GPATCH1: variants seen among roughly 807,000 people sequenced by gnomAD.
GPATCH1 encodes the protein G-patch domain containing 1.
A neutral mutation model predicts 114.9 loss-of-function variants in GPATCH1; 73 were observed. That is an observed-to-expected ratio of 0.64 (90% CI 0.53 to 0.77). The LOEUF (loss-of-function observed/expected upper bound fraction) is 0.77, where lower values mean the gene tolerates loss of function less well. Among genes scored for constraint, GPATCH1 ranks in the 30% least tolerant of loss-of-function variants. The pLI is 0.00. For synonymous variants in GPATCH1, 391 were observed against 428.4 expected (o/e 0.91, Z 1.08); for missense variants, 1,058 against 1,144.3 (o/e 0.92, Z 1.09).
At chr19:33,120,815 C>G (rs1972975170) in intron 17 of GPATCH1, among the ~76,000 whole-genome samples, 1 of 151,592 alleles carries the variant, frequency 6.6e-6, no homozygotes, top group East Asian at 2.0e-4. Context: ...CGGTGAAACC[C>G]CATCTGTACT....
intron 19 of GPATCH1, among the ~76,000 whole-genome samples, chr19:33,127,140 GA>G (rs35246382): frequency 0.56 from 82,528 of 147,084 alleles, 26,789 homozygotes; most frequent in African/African-American, 0.89. Context: ...CTCCCTAAAA[GA>G]AAAAAAAAAA....
chr19:33,115,865 C>A (rs1433778702), intron 15 of GPATCH1, among the ~76,000 whole-genome samples: 2 of 152,144 alleles, frequency 1.3e-5, no homozygotes, highest in Admixed American at 1.3e-4. Flanking sequence ...TTATATTGGA[C>A]ATTTGCATTT....
chr19:33,090,767 C>CT lies in GPATCH1; in HGVS notation c.209-4dup, dbSNP rs375926027. The stretch of plus-strand genomic sequence containing the variant: ...CTCTAGGATTGTAAAGTTCTAAACT[C>CT]TTTTTTTTTCAGGATGGACACCCTC... On this transcript the variant is annotated splice_polypyrimidine_tract_variant and intron_variant, in intron 2 of 19. Transcript: ENST00000170564. 2.1e-3 allele frequency: 3,240 copies of CT among 1,515,592 alleles called. No homozygotes were observed. Among genetic ancestry groups the CT allele is most frequent in the Non-Finnish European group, 2.5e-3 (2,764 of 1,097,228 alleles). 93.9% of individuals were successfully genotyped at this position (1,515,592 alleles called of 1,614,324 possible). A position where few individuals can be genotyped will look rare whatever the true frequency, so the allele number is the denominator to read the frequency against.
At chr19:33,123,115 A>AATAG (rs1973004240) in intron 17 of GPATCH1, among the ~76,000 whole-genome samples, 1 of 127,800 alleles carries the variant, frequency 7.8e-6, no homozygotes, top group Admixed American at 7.7e-5. Flanking sequence ...TAAATAAATA[A>AATAG]ATAGCTGGGC....
intron 7 of GPATCH1, 69 bp downstream of exon 7, chr19:33,096,515 T>C: frequency 7.7e-7 from 1 of 1,298,154 alleles, no homozygotes; most frequent in South Asian, 1.5e-5. Flanking sequence ...TCTTTCTTCT[T>C]TTTAGAGGTT....
At chr19:33,112,169 T>C (rs1972862755) in intron 12 of GPATCH1, among the ~76,000 whole-genome samples, 1 of 152,138 alleles carries the variant, frequency 6.6e-6, no homozygotes, top group African/African-American at 2.4e-5. Flanking sequence ...TTTCACCATA[T>C]TGGCCAGGCT....
intron 9 of GPATCH1, among the ~76,000 whole-genome samples, chr19:33,104,197 G>A (rs1270004421): frequency 6.6e-6 from 1 of 151,660 alleles, no homozygotes; most frequent in Non-Finnish European, 1.5e-5. Context: ...AAAATTAGCT[G>A]GGTGTGGTGG....
intron 17 of GPATCH1, among the ~76,000 whole-genome samples, chr19:33,121,109 A>T (rs1377371357): frequency 1.3e-5 from 2 of 151,704 alleles, no homozygotes; most frequent in Non-Finnish European, 1.5e-5. Flanking sequence ...ATATATTTTT[A>T]AAATTTTATT....
At chr19:33,129,328 C>T (rs910213876) in intron 19 of GPATCH1, among the ~76,000 whole-genome samples, 25 of 150,028 alleles carry the variant, frequency 1.7e-4, no homozygotes, top group African/African-American at 5.6e-4. Flanking sequence ...ATCCCAATAC[C>T]TTGGGAGGTC....
Position 33,112,468 on chromosome 19 carries a change from A to AT in GPATCH1, c.1765-17dup. 2 of 1,613,962 alleles carry AT rather than the reference A, an allele frequency of 1.2e-6. No individual in the cohort carries two copies. Among genetic ancestry groups the AT allele is most frequent in the Non-Finnish European group, 8.5e-7 (1 of 1,179,938 alleles). Reference sequence around the variant, plus strand: ...TGGTGCGGCCACTTGATGGAACAGAATGCATGTCTTTTTCCAGAATGATGT... The same window carrying AT: ...TGGTGCGGCCACTTGATGGAACAGAATTGCATGTCTTTTTCCAGAATGATGT... On this transcript the variant is annotated splice_polypyrimidine_tract_variant and intron_variant, in intron 12 of 19. Coordinates refer to ENST00000170564, the MANE Select transcript of GPATCH1 (RefSeq NM_018025.3).
intron 9 of GPATCH1, 24 bp from the exon 10 acceptor site, chr19:33,106,671 T>C: frequency 6.3e-7 from 1 of 1,581,548 alleles, no homozygotes. Context: ...CTGTATTTTC[T>C]GGGTTTTGTC....
At chr19:33,104,374 G>C (rs1037561895) in intron 9 of GPATCH1, among the ~76,000 whole-genome samples, 14 of 143,966 alleles carry the variant, frequency 9.7e-5, no homozygotes, top group African/African-American at 3.8e-4. Context: ...TCCCATGGAG[G>C]ATATAGAGAA....
At chr19:33,085,947 A>C (rs1972530471) in intron 1 of GPATCH1, among the ~76,000 whole-genome samples, 1 of 152,196 alleles carries the variant, frequency 6.6e-6, no homozygotes, top group Non-Finnish European at 1.5e-5. Flanking sequence ...TTGAGATCAG[A>C]AGCACCAAGA....
intron 16 of GPATCH1, among the ~76,000 whole-genome samples, 192 bp downstream of exon 16, chr19:33,118,233 A>G (rs2036860388): frequency 6.9e-6 from 1 of 145,032 alleles, no homozygotes; most frequent in African/African-American, 2.6e-5. Flanking sequence ...GGTGGAGTAC[A>G]GTGGCGCAAT....
intron 3 of GPATCH1, among the ~76,000 whole-genome samples, chr19:33,092,711 G>A (rs1444390153): frequency 6.6e-6 from 1 of 152,230 alleles, no homozygotes; most frequent in African/African-American, 2.4e-5. Context: ...ACTTGTGAAT[G>A]CTTGCTGGCT....
chr19:33,109,825 T>C lies in GPATCH1; in HGVS notation c.1394T>C (p.Leu465Pro). The change falls in exon 11 of 20, where the codon CTG becomes CCG. Residue 465 changes from leucine (L) to proline (P), a missense_variant. By Grantham distance (98) the Leu-to-Pro change is moderately conservative. Around this residue, in one of 3 missense-constraint regions of GPATCH1, gnomAD observed 893 missense variants for 977.4 expected, o/e 0.91. Coordinates refer to ENST00000170564, the MANE Select transcript of GPATCH1 (RefSeq NM_018025.3). ...GCAGCTCAGCTCAAGGCCAGGAGTCTGGCCCAGAACGCTCAGAGCAGCAGA... is the reference window on the plus strand; with the variant it reads ...GCAGCTCAGCTCAAGGCCAGGAGTCCGGCCCAGAACGCTCAGAGCAGCAGA... ...LKAAQLKARS[L>P]AQNAQSSRAQ... 6.2e-7 allele frequency: 1 copy of C among 1,613,942 alleles called. No individual in the cohort carries two copies. Among genetic ancestry groups the C allele is most frequent in the Non-Finnish European group, 8.5e-7 (1 of 1,179,862 alleles).
intron 19 of GPATCH1, among the ~76,000 whole-genome samples, chr19:33,127,934 T>C (rs1479969540): frequency 2.0e-5 from 3 of 152,020 alleles, no homozygotes; most frequent in African/African-American, 7.2e-5. Flanking sequence ...GCCAGGCTGG[T>C]CTCAAACTCC....
chr19:33,100,836 G>A (rs1309377208), intron 8 of GPATCH1, among the ~76,000 whole-genome samples: 2 of 151,474 alleles, frequency 1.3e-5, no homozygotes, highest in East Asian at 1.9e-4. Context: ...TCATTTATAC[G>A]GACTTTTGGC....
At chr19:33,117,711 C>T in intron 15 of GPATCH1, 114 bp from the exon 16 acceptor site, 1 of 732,232 alleles carries the variant, frequency 1.4e-6, no homozygotes, top group South Asian at 1.6e-5. Context: ...GCTATGGATA[C>T]CCATGTACAT....
Sources: allele counts gnomAD v4.1 joint callset (sites outside exome capture counted in the v4.1 genomes callset), GRCh38; gene constraint gnomAD v4.1.1; regional missense constraint gnomAD v4.1.1; transcripts MANE v1.5; gene names NCBI Gene and HGNC (gene_info 2026-07-23, HGNC 2026-07-21).